The following SGCZ variants were observed in gnomAD, a reference collection of about 807,000 sequenced individuals.
The protein encoded by SGCZ is zeta-sarcoglycan.
Under a neutral mutation model 41.3 loss-of-function variants are expected in SGCZ, and 40 were observed. That is an observed-to-expected ratio of 0.97 (90% CI 0.75 to 1.26). SGCZ has a LOEUF of 1.26. Among genes scored for constraint, SGCZ ranks in the 50% most tolerant of loss-of-function variants. The probability of loss-of-function intolerance (pLI) is 0.00; values close to 1 mark genes in which losing one functional copy is unlikely to be tolerated. For synonymous variants in SGCZ, 206 were observed against 137.5 expected, an observed-to-expected ratio of 1.50 and a Z score of -3.49; for missense variants, 552 against 369.8, an observed-to-expected ratio of 1.49 and a Z score of -4.04.
At chr8:14,428,149 TAC>T (rs374419236) in intron 2 of SGCZ, among the ~76,000 whole-genome samples, 69,506 of 148,460 alleles carry the variant, frequency 0.47, 17,422 homozygotes, top group Non-Finnish European at 0.57. Context: ...TATATATATA[TAC>T]ACACACACAC....
chr8:14,876,950 G>A (rs573019084), intron 1 of SGCZ, among the ~76,000 whole-genome samples: 1 of 151,910 alleles, frequency 6.6e-6, no homozygotes, highest in East Asian at 1.9e-4. Flanking sequence ...GATTAACAGT[G>A]GACCTACCAC....
At chr8:14,241,004 A>G (rs1397944429) in intron 3 of SGCZ, among the ~76,000 whole-genome samples, 1 of 152,116 alleles carries the variant, frequency 6.6e-6, no homozygotes, top group Non-Finnish European at 1.5e-5. Context: ...CCAACATACC[A>G]CCTCTTAAAA....
intron 2 of SGCZ, among the ~76,000 whole-genome samples, chr8:14,505,301 G>A (rs1288980458): frequency 6.6e-6 from 1 of 152,010 alleles, no homozygotes; most frequent in Non-Finnish European, 1.5e-5. Flanking sequence ...GTTCCTCCTG[G>A]TATGATGCAA....
intron 1 of SGCZ, among the ~76,000 whole-genome samples, chr8:14,624,652 C>G (rs1232610502): frequency 6.9e-6 from 1 of 143,994 alleles, no homozygotes; most frequent in Admixed American, 7.0e-5. Flanking sequence ...CTCACTGAAA[C>G]CTCCGCCTCC....
At position 14,394,536 on chromosome 8, in the gene SGCZ, G is replaced by C. The variant is rs1472785327; in HGVS notation, c.235-70332C>G. On this transcript the variant is annotated intron_variant, in intron 2 of 7. Coordinates refer to ENST00000382080, the MANE Select transcript of SGCZ (RefSeq NM_139167.4). ...TGACACATGTACATCTTGAGACAAAGTTTGATTCCTGAGATCATGGTTGGT... is the reference window on the plus strand; with the variant it reads ...TGACACATGTACATCTTGAGACAAACTTTGATTCCTGAGATCATGGTTGGT... Among the ~76,000 whole-genome samples, 3 of 152,122 alleles carry C rather than the reference G, an allele frequency of 2.0e-5. No individual in the cohort carries two copies. In the East Asian group the frequency reaches 5.8e-4, roughly 29 times the overall value.
At position 14,634,249 on chromosome 8, in the gene SGCZ, T is replaced by C. The variant is rs146594122; in HGVS notation, c.40-79323A>G. On this transcript the variant is annotated intron_variant, in intron 1 of 7. Coordinates refer to ENST00000382080, the MANE Select transcript of SGCZ (RefSeq NM_139167.4). ...AATTAATAGATTTGTGTCCATAGTATCAAACTAAATTTTGAATTGGGGGGA... is the reference window on the plus strand; with the variant it reads ...AATTAATAGATTTGTGTCCATAGTACCAAACTAAATTTTGAATTGGGGGGA... Among the ~76,000 whole-genome samples, 1,339 of 152,020 alleles carry C rather than the reference T, an allele frequency of 8.8e-3. 19 individuals are homozygous for C. The highest frequency in any genetic ancestry group is 0.031 in the African/African-American group (1,269 of 41,544).
intron 1 of SGCZ, among the ~76,000 whole-genome samples, chr8:14,976,071 G>A (rs1480586563): frequency 1.3e-5 from 2 of 149,050 alleles, no homozygotes; most frequent in African/African-American, 4.9e-5. Flanking sequence ...CGCTCAAGCT[G>A]TAGTGCAGTG....
intron 2 of SGCZ, among the ~76,000 whole-genome samples, chr8:14,473,582 A>G (rs748377361): frequency 7.2e-5 from 11 of 152,186 alleles, no homozygotes; most frequent in Non-Finnish European, 1.5e-4. Flanking sequence ...GTATTAGTGA[A>G]AACATGTGGT....
intron 5 of SGCZ, among the ~76,000 whole-genome samples, chr8:14,159,406 G>A (rs912051725): frequency 7.2e-5 from 11 of 152,126 alleles, no homozygotes; most frequent in African/African-American, 1.9e-4. Flanking sequence ...AGGACCGTTG[G>A]TAAGGTGCTT....
In SGCZ at chr8:14,250,526, C is replaced by T. The variant is rs1312021100; in HGVS notation, c.337-12847G>A. On this transcript the variant is annotated intron_variant, in intron 3 of 7. Coordinates refer to ENST00000382080, the MANE Select transcript of SGCZ (RefSeq NM_139167.4). ...TACAGGCCTGCACTATAAAAACCTGCAGTGTGCTAGCCTCCCCACCTGAGG... is the reference window on the plus strand; with the variant it reads ...TACAGGCCTGCACTATAAAAACCTGTAGTGTGCTAGCCTCCCCACCTGAGG... Among the ~76,000 whole-genome samples, 5 of 152,262 alleles carry T rather than the reference C, an allele frequency of 3.3e-5. No homozygotes were observed. In the East Asian group the frequency reaches 9.7e-4, roughly 29 times the overall value.
intron 1 of SGCZ, among the ~76,000 whole-genome samples, chr8:14,837,398 C>T (rs373159332): frequency 2.6e-5 from 4 of 152,186 alleles, no homozygotes; most frequent in East Asian, 1.9e-4. Context: ...TATAATTAAA[C>T]GAACGATGTG....
chr8:15,124,528 T>C (rs73665386), intron 1 of SGCZ, among the ~76,000 whole-genome samples: 143 of 152,286 alleles, frequency 9.4e-4, no homozygotes, highest in African/African-American at 3.2e-3. Flanking sequence ...TAATTCTAAA[T>C]AGAAGAGGAT....
At chr8:15,193,055 G>A (rs1179682223) in intron 1 of SGCZ, among the ~76,000 whole-genome samples, 1 of 152,062 alleles carries the variant, frequency 6.6e-6, no homozygotes, top group African/African-American at 2.4e-5. Context: ...TACTGGTAGT[G>A]GAGGTGGAAA....
chr8:14,886,586 G>C (rs1804814835), intron 1 of SGCZ, among the ~76,000 whole-genome samples: 1 of 152,022 alleles, frequency 6.6e-6, no homozygotes, highest in Non-Finnish European at 1.5e-5. Flanking sequence ...CAAGTCCTGG[G>C]GAAAAGTGTC....
intron 2 of SGCZ, among the ~76,000 whole-genome samples, chr8:14,513,782 C>A (rs552222618): frequency 1.3e-5 from 2 of 152,174 alleles, no homozygotes; most frequent in Middle Eastern, 3.4e-3. Context: ...AAAATATGCA[C>A]CAGCCCCAAT....
rs139943417 is a variant in SGCZ at position 14,998,379 on chromosome 8, T to A, written c.39+239206A>T. Among the ~76,000 whole-genome samples the A allele has an allele frequency of 5.2e-4, 79 of 152,340 alleles. No individual in the cohort carries two copies. The East Asian group carries it at 0.015, about 29-fold the overall frequency. ...TGGGTTGTAGCTATAAGCTTTCCAG[T>A]AAGCTGATGATATAATTTAGTTTAT... On this transcript the variant is annotated intron_variant, in intron 1 of 7. Coordinates refer to ENST00000382080, the MANE Select transcript of SGCZ (RefSeq NM_139167.4).
intron 1 of SGCZ, among the ~76,000 whole-genome samples, chr8:15,189,064 C>G (rs1800444689): frequency 1.3e-5 from 2 of 152,092 alleles, no homozygotes; most frequent in Admixed American, 6.5e-5. Context: ...AGTAGGCAAT[C>G]CACAAATATT....
chr8:14,438,975 CT>C (rs982290385), intron 2 of SGCZ, among the ~76,000 whole-genome samples: 1 of 151,804 alleles, frequency 6.6e-6, no homozygotes, highest in Non-Finnish European at 1.5e-5. Context: ...TTTTGTAAAT[CT>C]TTGAAGACAT....
At chr8:14,673,208 G>T (rs575204007) in intron 1 of SGCZ, among the ~76,000 whole-genome samples, 9 of 152,224 alleles carry the variant, frequency 5.9e-5, no homozygotes, top group African/African-American at 1.9e-4. Context: ...ATTAATTTAT[G>T]ACCTATTAGA....
Sources: gnomAD v4.1 joint callset for allele counts (sites outside exome capture counted in the v4.1 genomes callset) on GRCh38, gnomAD v4.1.1 for gene constraint, MANE v1.5 for transcripts, NCBI Gene and HGNC (gene_info 2026-07-23, HGNC 2026-07-21) for gene names.